Variants in PKNOX2 observed in about 807,000 individuals in gnomAD.
PKNOX2 encodes the protein homeobox protein PKNOX2.
PKNOX2 carries 14 observed loss-of-function variants against 53.1 expected under a neutral mutation model. The observed-to-expected ratio is 0.26, with a 90% CI of 0.17 to 0.41. The LOEUF is 0.41. Ranked by LOEUF, PKNOX2 falls within the 10% of genes least tolerant of loss-of-function variation. PKNOX2 has a pLI of 1.00. For synonymous variants in PKNOX2, 257 were observed against 242.8 expected (o/e 1.06, Z -0.54); for missense variants, 496 against 602.8 (o/e 0.82, Z 1.85).
intron 7 of PKNOX2, among the ~76,000 whole-genome samples, chr11:125,400,897 A>T (rs900315429): frequency 6.6e-6 from 1 of 152,176 alleles, no homozygotes; most frequent in African/African-American, 2.4e-5. Flanking sequence ...ACCTTATTAT[A>T]GGCCAAAAAC....
chr11:125,325,055 G>A (rs546020902), intron 2 of PKNOX2, among the ~76,000 whole-genome samples: 1 of 152,204 alleles, frequency 6.6e-6, no homozygotes, highest in Non-Finnish European at 1.5e-5. Context: ...CTGGGCAAGT[G>A]AAAGGCTTTT....
intron 5 of PKNOX2, among the ~76,000 whole-genome samples, chr11:125,381,182 A>G (rs1953203627): frequency 6.6e-6 from 1 of 152,158 alleles, no homozygotes; most frequent in South Asian, 2.1e-4. Flanking sequence ...CCCGCTGACC[A>G]TGACCATGGA....
chr11:125,367,233 C>T (rs1160506861), intron 4 of PKNOX2, among the ~76,000 whole-genome samples: 2 of 152,322 alleles, frequency 1.3e-5, no homozygotes, highest in Middle Eastern at 3.4e-3. Flanking sequence ...CCTTCAAAAA[C>T]GTGTCACAGA....
chr11:125,213,365 G>T (rs1940099453), intron 1 of PKNOX2, among the ~76,000 whole-genome samples: 1 of 152,090 alleles, frequency 6.6e-6, no homozygotes, highest in African/African-American at 2.4e-5. Flanking sequence ...TGTTAAATGG[G>T]AATAAGACCA....
At chr11:125,410,709 G>T in intron 8 of PKNOX2, 70 bp from the exon 9 acceptor site, 1 of 1,210,076 alleles carries the variant, frequency 8.3e-7, no homozygotes. Flanking sequence ...CAAATGAACT[G>T]GGAACCCTGC....
chr11:125,401,270 G>C (rs552050042), intron 7 of PKNOX2, among the ~76,000 whole-genome samples: 1 of 152,178 alleles, frequency 6.6e-6, no homozygotes, highest in African/African-American at 2.4e-5. Context: ...ACGATACTGA[G>C]AACGACGGGG....
intron 1 of PKNOX2, among the ~76,000 whole-genome samples, chr11:125,195,665 G>T (rs542885870): frequency 6.6e-6 from 1 of 152,286 alleles, no homozygotes; most frequent in East Asian, 1.9e-4. Flanking sequence ...GAAAATGAGA[G>T]TGAAGTTCTT....
At chr11:125,353,091 C>T (rs1270042768) in intron 4 of PKNOX2, among the ~76,000 whole-genome samples, 1 of 152,180 alleles carries the variant, frequency 6.6e-6, no homozygotes, top group Non-Finnish European at 1.5e-5. Context: ...ACATCGATGC[C>T]CACATATCGA....
chr11:125,189,447 GTATATATATATATATATATATATATATA>G lies in PKNOX2; in HGVS notation c.-201+24688_-201+24715del, dbSNP rs58968290. Among the ~76,000 whole-genome samples, 47 of 23,452 alleles carry G rather than the reference GTATATATATATATATATATATATATATA, an allele frequency of 2.0e-3. 1 individual carries two copies. The highest frequency in any genetic ancestry group is 0.016 in the Admixed American group (33 of 2,098). The allele number at this position is 23,452 out of a possible 152,430, so 15.4% of individuals were successfully genotyped here. ...TGTGTGTGTGTGTGTGTGTGTGTGTGTATATATATATATATATATATATATATATATATATATATATATACAAAAGCAA... is the reference window on the plus strand; with the variant it reads ...TGTGTGTGTGTGTGTGTGTGTGTGTGTATATATATATATATACAAAAGCAA... On this transcript the variant is annotated intron_variant, in intron 1 of 12. Transcript: ENST00000298282.
rs74723791 is a variant in PKNOX2, at chr11:125,183,005, G to A, written c.-201+18229G>A. 2.0e-4 allele frequency among the ~76,000 whole-genome samples: 31 copies of A among 152,262 alleles called. No individual in the cohort carries two copies. The East Asian group carries it at 5.8e-3, about 28-fold the overall frequency. ...GCAAGAGGGACCGTGGAGAGCCTCT[G>A]GTTTAATTTGGCCTTCTCTGAAATG... On this transcript the variant is annotated intron_variant, in intron 1 of 12. Transcript: ENST00000298282.
chr11:125,278,628 G>A (rs752915378), intron 2 of PKNOX2, among the ~76,000 whole-genome samples: 4 of 150,518 alleles, frequency 2.7e-5, no homozygotes, highest in African/African-American at 2.5e-5. Context: ...TGAAGACCGA[G>A]GGAGGGGCCG....
chr11:125,367,612 T>C (rs1460155621), intron 4 of PKNOX2, among the ~76,000 whole-genome samples: 2 of 152,226 alleles, frequency 1.3e-5, no homozygotes, highest in Non-Finnish European at 2.9e-5. Flanking sequence ...GCTGGGCATC[T>C]CCTGGTTTTG....
chr11:125,360,439 G>A lies in PKNOX2; in HGVS notation c.88-7407G>A, dbSNP rs189095597. 1.1e-4 allele frequency among the ~76,000 whole-genome samples: 17 copies of A among 152,300 alleles called. No individual in the cohort carries two copies. In the East Asian group the frequency reaches 2.1e-3, roughly 19 times the overall value. On this transcript the variant is annotated intron_variant, in intron 4 of 12. Coordinates refer to ENST00000298282, the MANE Select transcript of PKNOX2 (RefSeq NM_001382323.2). ...GCAATGCACCCTCACATATGGTCTC[G>A]CAGTAGCCCTGGGAAGAGATATTAA... is the stretch of plus-strand genomic sequence containing the variant.
chr11:125,411,648 G>A (rs752300775), intron 9 of PKNOX2, 98 bp from the exon 10 acceptor site: 4 of 1,598,122 alleles, frequency 2.5e-6, no homozygotes, highest in Non-Finnish European at 8.6e-7. Context: ...AGCCGGGAAA[G>A]GGGCTGGCAG....
At chr11:125,348,308 G>C (rs747469711) in intron 3 of PKNOX2, among the ~76,000 whole-genome samples, 1 of 152,204 alleles carries the variant, frequency 6.6e-6, no homozygotes, top group Non-Finnish European at 1.5e-5. Flanking sequence ...GTCTCCAGCA[G>C]CTGAGCTCCC....
At chr11:125,315,328 A>AAAAAAAAC (rs1201379428) in intron 2 of PKNOX2, among the ~76,000 whole-genome samples, 2 of 144,814 alleles carry the variant, frequency 1.4e-5, no homozygotes, top group African/African-American at 5.5e-5. Flanking sequence ...AAAAAAAAAA[A>AAAAAAAAC]CACCTCTCTC....
chr11:125,256,091 G>A (rs572828627), intron 2 of PKNOX2, among the ~76,000 whole-genome samples: 9 of 152,020 alleles, frequency 5.9e-5, no homozygotes, highest in African/African-American at 1.7e-4. Flanking sequence ...CTGGGAAGAC[G>A]GTGGGGATGG....
chr11:125,219,940 G>T (rs1940950490), intron 1 of PKNOX2, among the ~76,000 whole-genome samples: 1 of 152,198 alleles, frequency 6.6e-6, no homozygotes, highest in African/African-American at 2.4e-5. Flanking sequence ...AATGACATAT[G>T]TCTAAGTACC....
At chr11:125,207,025 C>CGGGGGGGAGGGGGGGGGGG (rs11314422) in intron 1 of PKNOX2, among the ~76,000 whole-genome samples, 1 of 119,302 alleles carries the variant, frequency 8.4e-6, no homozygotes, top group Non-Finnish European at 1.7e-5. Flanking sequence ...CTTCAGGTGG[C>CGGGGGGGAGGGGGGGGGGG]GGGGGGTGAG....
Sources: allele counts gnomAD v4.1 joint callset (sites outside exome capture counted in the v4.1 genomes callset), GRCh38; gene constraint gnomAD v4.1.1; transcripts MANE v1.5; gene names NCBI Gene and HGNC (gene_info 2026-07-23, HGNC 2026-07-21).